Variants in AP5Z1 observed in about 807,000 individuals in gnomAD.
AP5Z1 encodes adaptor related protein complex 5 subunit zeta 1.
Under a neutral mutation model 83.0 loss-of-function variants are expected in AP5Z1, and 106 were observed. The observed-to-expected ratio is 1.28, with a 90% CI of 1.09 to 1.50. AP5Z1 has a LOEUF of 1.50. AP5Z1 is among the 40% of genes most tolerant of loss of function. AP5Z1 has a pLI of 0.00. For synonymous variants in AP5Z1, 751 were observed against 514.1 expected (o/e 1.46, Z -6.23); for missense variants, 1,565 against 1,094.2 (o/e 1.43, Z -6.07).
At chr7:4,789,743 G>A (rs1781687196) in intron 13 of AP5Z1, 89 bp from the exon 14 acceptor site, 5 of 959,180 alleles carry the variant, frequency 5.2e-6, no homozygotes, top group African/African-American at 4.9e-5. Flanking sequence ...CCCCTCACCT[G>A]CCCCCCAGCC....
Position 4,783,329 on chromosome 7 carries a change from A to G in AP5Z1, c.380A>G (p.Glu127Gly). 6.2e-7 allele frequency: 1 copy of G among 1,610,340 alleles called. No homozygotes were observed. ...TTTGATTTGAAGGGTGACAGAAACG[A>G]GGAGGTCAGAGCCGTGGGCCAGGGC... ...SVLLAQGDRNEEVRAVGQGVL... is the reference protein window; with the variant it reads ...SVLLAQGDRNGEVRAVGQGVL... Residue 127 changes from glutamate to glycine, a missense_variant, in exon 4 of 17, where the codon GAG (glutamate) becomes GGG (glycine). By Grantham distance (98) the Glu-to-Gly change is moderately conservative. Transcript: ENST00000649063.
chr7:4,784,098 A>G, intron 5 of AP5Z1, 105 bp from the exon 6 acceptor site: 5 of 1,358,760 alleles, frequency 3.7e-6, no homozygotes, highest in Non-Finnish European at 4.9e-6. Flanking sequence ...GCCCGGGCTC[A>G]TGTTCAGGCA....
intron 1 of AP5Z1, among the ~76,000 whole-genome samples, chr7:4,779,851 C>T (rs193070829): frequency 3.3e-4 from 50 of 152,118 alleles, no homozygotes; most frequent in Non-Finnish European, 6.0e-4. Flanking sequence ...TCCATGTTAG[C>T]CAGCTGGTCT....
At chr7:4,786,118 T>C (rs932832843) in intron 9 of AP5Z1, 132 bp from the exon 10 acceptor site, 7 of 902,894 alleles carry the variant, frequency 7.8e-6, no homozygotes, top group African/African-American at 1.7e-5. Flanking sequence ...TTCCCCAGCG[T>C]CCCAGCGTAG....
Position 4,788,283 on chromosome 7 carries a change from C to T in AP5Z1, c.1584C>T (p.Gly528=), listed in dbSNP as rs377310579. 186 of 1,590,568 alleles carry T rather than the reference C, an allele frequency of 1.2e-4. No homozygotes were observed. In the African/African-American group the frequency reaches 2.1e-3, roughly 18 times the overall value. Residue 528 remains glycine, a synonymous_variant, in exon 12 of 17, where the codon GGC becomes GGT. Transcript: ENST00000649063. The part of the protein sequence containing the change: ...FQYLLRPKAS[G]ATERLAPLHQ... The stretch of plus-strand genomic sequence containing the variant: ...ACCTGCTGCGCCCCAAGGCCAGTGG[C>T]GCCACTGAGAGGTACGGGGCCCTAG...
Position 4,787,645 on chromosome 7 carries a change from G to A in AP5Z1, c.1323G>A (p.Trp441Ter), listed in dbSNP as rs1233553130. 6.4e-7 allele frequency: 1 copy of A among 1,552,568 alleles called. No individual in the cohort carries two copies. The highest frequency in any genetic ancestry group is 8.7e-7 in the Non-Finnish European group (1 of 1,148,658). Residue 441 changes from tryptophan (W) to a stop codon, truncating the protein, a stop_gained, in exon 11 of 17, where the codon TGG becomes TGA. Coordinates refer to ENST00000649063, the MANE Select transcript of AP5Z1 (RefSeq NM_014855.3). LOFTEE classifies it high-confidence loss of function. The part of the protein sequence containing the change: ...SFPNLFKFLA[W>*]NSPPLTSEFV... ...TGCTGTGCCCACAGTTCCTGGCCTG[G>A]AACAGCCCACCCCTCACCTCCGAGT...
At chr7:4,786,600 C>T (rs771622825) in intron 10 of AP5Z1, among the ~76,000 whole-genome samples, 172 bp downstream of exon 10, 4 of 152,112 alleles carry the variant, frequency 2.6e-5, no homozygotes, top group East Asian at 1.9e-4. Context: ...GTCCCTGCAG[C>T]GTCACGTGAT....
chr7:4,781,329 C>G lies in AP5Z1; in HGVS notation c.179+17C>G. 1 of 1,611,816 alleles carries G rather than the reference C, an allele frequency of 6.2e-7. No homozygotes were observed. The highest frequency in any genetic ancestry group is 8.5e-7 in the Non-Finnish European group (1 of 1,179,708). On this transcript the variant is annotated intron_variant, in intron 2 of 16. Transcript: ENST00000649063. ...CAGCCGGAGGTGAGTGTGGCGACGG[C>G]TCAGGCCGGCTCCTCACACAGCGGC... is the stretch of plus-strand genomic sequence containing the variant.
At chr7:4,789,962 G>T (rs749848121) in intron 14 of AP5Z1, 33 bp downstream of exon 14, 2 of 1,488,194 alleles carry the variant, frequency 1.3e-6, no homozygotes, top group East Asian at 2.5e-5. Flanking sequence ...CCACAGCCCT[G>T]GGCGGGTGCC....
In AP5Z1 at chr7:4,781,226, G is replaced by A. The variant is rs1781372089; in HGVS notation, c.93G>A (p.Leu31=). The part of the protein sequence containing the change: ...LKKFCSRICK[L]LQAEDLGPDT... ...AGTTCTGTTCCCGGATCTGTAAACTGCTGCAGGCGGAGGACTTGGGGCCGG... is the reference window on the plus strand; with the variant it reads ...AGTTCTGTTCCCGGATCTGTAAACTACTGCAGGCGGAGGACTTGGGGCCGG... The change falls in exon 2 of 17, where the codon CTG becomes CTA. Residue 31 remains leucine (L), a synonymous_variant. Transcript: ENST00000649063. 1 of 1,613,724 alleles carries A rather than the reference G, an allele frequency of 6.2e-7. No individual in the cohort carries two copies. Among genetic ancestry groups the A allele is most frequent in the African/African-American group, 1.3e-5 (1 of 75,050 alleles).
intron 3 of AP5Z1, among the ~76,000 whole-genome samples, chr7:4,782,602 G>C (rs576221853): frequency 6.6e-6 from 1 of 152,068 alleles, no homozygotes; most frequent in Non-Finnish European, 1.5e-5. Context: ...TACTCAGGGC[G>C]TTGTACTTCA....
At chr7:4,780,689 C>A (rs1781357459) in intron 1 of AP5Z1, among the ~76,000 whole-genome samples, 2 of 152,140 alleles carry the variant, frequency 1.3e-5, no homozygotes, top group Non-Finnish European at 2.9e-5. Flanking sequence ...TTGCTTGAAC[C>A]CCGGAGGCGA....
At chr7:4,789,368 C>G (rs1012030984) in intron 13 of AP5Z1, among the ~76,000 whole-genome samples, 1 of 152,126 alleles carries the variant, frequency 6.6e-6, no homozygotes, top group African/African-American at 2.4e-5. Flanking sequence ...AGTTTGTCCC[C>G]CTGCTGCCCC....
chr7:4,781,626 G>C lies in AP5Z1; in HGVS notation c.238G>C (p.Glu80Gln), dbSNP rs199577559. 1 of 1,609,542 alleles carries C rather than the reference G, an allele frequency of 6.2e-7. No individual in the cohort carries two copies. The highest frequency in any genetic ancestry group is 1.1e-5 in the South Asian group (1 of 91,024). The change falls in exon 3 of 17, where the codon GAG becomes CAG. Residue 80 changes from glutamate (E) to glutamine (Q), a missense_variant. Glu to Gln is a conservative substitution (Grantham distance 29). Coordinates refer to ENST00000649063, the MANE Select transcript of AP5Z1 (RefSeq NM_014855.3). ...QATLGLPACP[E>Q]QLQVLCAAIL... is the part of the protein sequence containing the mutation. The stretch of plus-strand genomic sequence containing the variant: ...CACCCTCGGCCTGCCTGCATGCCCC[G>C]AGCAGCTCCAGGTGCTTTGCGCCGC...
intron 6 of AP5Z1, 115 bp from the exon 7 acceptor site, chr7:4,784,793 C>A (rs912160568): frequency 7.2e-7 from 1 of 1,383,970 alleles, no homozygotes; most frequent in African/African-American, 1.5e-5. Context: ...ACGCCTCACG[C>A]CTCCCGGGAG....
chr7:4,790,619 CG>C, intron 15 of AP5Z1, 28 bp downstream of exon 15: 1 of 1,612,276 alleles, frequency 6.2e-7, no homozygotes. Context: ...CTCCCACAGC[CG>C]CTCCTGACCC....
At chr7:4,790,008 C>G (rs1781703549) in intron 14 of AP5Z1, 79 bp downstream of exon 14, 10 of 1,203,684 alleles carry the variant, frequency 8.3e-6, no homozygotes. Context: ...CCCCCCTCCC[C>G]TTCAGTGGCT....
In AP5Z1 at chr7:4,788,259, C is replaced by A. The variant is rs1209658197; in HGVS notation, c.1560C>A (p.Tyr520Ter). ...RDPQFQGLFQ[Y>*]LLRPKASGAT... Reference sequence around the variant, plus strand: ...CGCAGTTCCAGGGTCTTTTCCAATACCTGCTGCGCCCCAAGGCCAGTGGCG... The same window carrying A: ...CGCAGTTCCAGGGTCTTTTCCAATAACTGCTGCGCCCCAAGGCCAGTGGCG... The change falls in exon 12 of 17, where the codon TAC becomes TAA. Residue 520 changes from tyrosine to a stop codon, truncating the protein, a stop_gained. Transcript: ENST00000649063. LOFTEE classifies it high-confidence loss of function. The A allele has an allele frequency of 6.3e-7, 1 of 1,589,858 alleles. No individual in the cohort carries two copies. The highest frequency in any genetic ancestry group is 2.3e-5 in the East Asian group (1 of 43,732).
intron 10 of AP5Z1, 48 bp downstream of exon 10, chr7:4,786,476 C>G: frequency 6.2e-7 from 1 of 1,601,114 alleles, no homozygotes; most frequent in African/African-American, 1.3e-5. Context: ...TGGTAAGTCC[C>G]TGGGGCTCCT....
Sources: allele counts gnomAD v4.1 joint callset (sites outside exome capture counted in the v4.1 genomes callset), GRCh38; gene constraint gnomAD v4.1.1; transcripts MANE v1.5; gene names NCBI Gene and HGNC (gene_info 2026-07-23, HGNC 2026-07-21).